The following MMP26 variants were observed in gnomAD, a reference collection of about 807,000 sequenced individuals.
MMP26 encodes the protein matrix metallopeptidase 26.
In MMP26, 33 loss-of-function variants were observed where a neutral mutation model predicts 31.0. The ratio of observed to expected loss-of-function variants is 1.06; its 90% confidence interval spans 0.81 to 1.42. The LOEUF (loss-of-function observed/expected upper bound fraction) is 1.42. MMP26 is among the 40% of genes most tolerant of loss of function. The pLI is 0.00. For missense variants in MMP26, 347 were observed against 316.1 expected (o/e 1.10, Z -0.74); for synonymous variants, 122 against 114.9 (o/e 1.06, Z -0.40).
At chr11:4,815,365 T>A (rs1849406608) in intron 2 of MMP26, among the ~76,000 whole-genome samples, 1 of 152,194 alleles carries the variant, frequency 6.6e-6, no homozygotes, top group Admixed American at 6.5e-5. Flanking sequence ...GGTAAAGATC[T>A]TGAGGCCCAC....
intron 2 of MMP26, among the ~76,000 whole-genome samples, chr11:4,828,677 A>G (rs1460981714): frequency 6.6e-6 from 1 of 152,152 alleles, no homozygotes; most frequent in Non-Finnish European, 1.5e-5. Flanking sequence ...TCTAATTAGG[A>G]TAATCTAACT....
rs192911817 is a variant in MMP26, at chr11:4,923,723, G to A, written c.-144-64345G>A. On this transcript the variant is annotated intron_variant, in intron 2 of 7. Coordinates refer to ENST00000380390, the MANE Select transcript of MMP26 (RefSeq NM_021801.5). ...CAGGGAGTCCACACCCACGGTGCAG[G>A]CCACAACAAAGAGCCCATAGATGTG... 7.3e-5 allele frequency: 118 copies of A among 1,614,050 alleles called. No individual in the cohort carries two copies. Among genetic ancestry groups the A allele is most frequent in the Non-Finnish European group, 9.3e-5 (110 of 1,180,010 alleles).
At position 4,769,347 on chromosome 11, in the gene MMP26, A is replaced by G. The variant is rs774563909; in HGVS notation, c.-145+2006A>G. 5 of 1,613,754 alleles carry G rather than the reference A, an allele frequency of 3.1e-6. No individual in the cohort carries two copies. The East Asian group carries it at 8.9e-5, about 29-fold the overall frequency. On this transcript the variant is annotated intron_variant, in intron 2 of 7. Coordinates refer to ENST00000380390, the MANE Select transcript of MMP26 (RefSeq NM_021801.5). ...ATGCTATTTGCCCGAATGTCTGAACATGCTAATTGAATCACATCTGGATGG... is the reference window on the plus strand; with the variant it reads ...ATGCTATTTGCCCGAATGTCTGAACGTGCTAATTGAATCACATCTGGATGG...
intron 2 of MMP26, among the ~76,000 whole-genome samples, chr11:4,894,666 A>T (rs146594985): frequency 1.3e-5 from 2 of 152,158 alleles, no homozygotes; most frequent in African/African-American, 4.8e-5. Flanking sequence ...AATGGAACCA[A>T]CTCTGAAACA....
chr11:4,779,158 G>A (rs962846801), intron 2 of MMP26, among the ~76,000 whole-genome samples: 2 of 151,940 alleles, frequency 1.3e-5, no homozygotes, highest in African/African-American at 4.8e-5. Context: ...TAGAAGTGGT[G>A]ATGTTAGGCA....
intron 2 of MMP26, among the ~76,000 whole-genome samples, chr11:4,858,228 C>A (rs995714083): frequency 6.6e-6 from 1 of 151,936 alleles, no homozygotes; most frequent in Non-Finnish European, 1.5e-5. Flanking sequence ...CTGGCCAGGG[C>A]AATCAAGCAG....
intron 2 of MMP26, chr11:4,943,943 T>C (rs1197453064): frequency 2.2e-5 from 9 of 416,034 alleles, no homozygotes; most frequent in Non-Finnish European, 3.3e-5. Flanking sequence ...AAGATGCTAT[T>C]AAAGCCACCT....
At chr11:4,723,999 G>T (rs1006716653) in intron 1 of MMP26, 4 of 712,360 alleles carry the variant, frequency 5.6e-6, no homozygotes, top group African/African-American at 3.5e-5. Flanking sequence ...CTCCCATGCC[G>T]CTGGACCCAC....
chr11:4,935,299 G>T (rs1851421066), intron 2 of MMP26, among the ~76,000 whole-genome samples: 1 of 151,466 alleles, frequency 6.6e-6, no homozygotes, highest in Non-Finnish European at 1.5e-5. Context: ...CACATCCCTT[G>T]TAAGTTGGAT....
chr11:4,709,106 T>A (rs1472272160), intron 1 of MMP26, among the ~76,000 whole-genome samples: 1 of 152,196 alleles, frequency 6.6e-6, no homozygotes, highest in Non-Finnish European at 1.5e-5. Context: ...TTGGGTCACA[T>A]GGACTTATAA....
At chr11:4,901,149 C>CTTTTTTTTTT (rs55678976) in intron 2 of MMP26, among the ~76,000 whole-genome samples, 2 of 84,518 alleles carry the variant, frequency 2.4e-5, no homozygotes, top group Non-Finnish European at 4.3e-5. Flanking sequence ...CCTCTTTGTG[C>CTTTTTTTTTT]TTTTTTTTTT....
intron 1 of MMP26, among the ~76,000 whole-genome samples, chr11:4,759,274 T>C (rs1848544118): frequency 6.6e-6 from 1 of 152,150 alleles, no homozygotes; most frequent in South Asian, 2.1e-4. Flanking sequence ...CAAAGATTAG[T>C]AAGGATTGTT....
At chr11:4,855,889 C>T (rs1468874366) in intron 2 of MMP26, among the ~76,000 whole-genome samples, 1 of 152,312 alleles carries the variant, frequency 6.6e-6, no homozygotes, top group African/African-American at 2.4e-5. Context: ...AGAAACTCTA[C>T]AAGCCAGAAG....
At chr11:4,901,039 G>C (rs116899732) in intron 2 of MMP26, among the ~76,000 whole-genome samples, 9 of 151,952 alleles carry the variant, frequency 5.9e-5, no homozygotes, top group Non-Finnish European at 1.3e-4. Context: ...TCCCCCACCA[G>C]CTGGTCATAA....
intron 1 of MMP26, among the ~76,000 whole-genome samples, chr11:4,759,235 C>T (rs1340502590): frequency 2.0e-5 from 3 of 151,472 alleles, no homozygotes; most frequent in Admixed American, 1.3e-4. Flanking sequence ...CAAAGAAATG[C>T]TAATTAAAAC....
chr11:4,749,732 G>A (rs1848424049), intron 1 of MMP26, among the ~76,000 whole-genome samples: 1 of 152,028 alleles, frequency 6.6e-6, no homozygotes, highest in African/African-American at 2.4e-5. Flanking sequence ...TTGCCAATAT[G>A]CAGAATGAAT....
intron 2 of MMP26, among the ~76,000 whole-genome samples, chr11:4,783,921 C>A (rs1475205356): frequency 1.3e-5 from 2 of 152,154 alleles, no homozygotes; most frequent in Non-Finnish European, 2.9e-5. Flanking sequence ...CCATGTGGAG[C>A]TTTAAGTCCA....
chr11:4,980,691 GA>G (rs1240902604), intron 2 of MMP26, among the ~76,000 whole-genome samples: 1 of 151,808 alleles, frequency 6.6e-6, no homozygotes, highest in African/African-American at 2.4e-5. Context: ...AAAATATGAA[GA>G]AATTATTTGA....
At chr11:4,805,146 A>T (rs117570014) in intron 2 of MMP26, among the ~76,000 whole-genome samples, 1 of 152,148 alleles carries the variant, frequency 6.6e-6, no homozygotes, top group Non-Finnish European at 1.5e-5. Context: ...CACTTGGCCA[A>T]TTTCTCAGAG....
Sources: gnomAD v4.1 joint callset for allele counts (sites outside exome capture counted in the v4.1 genomes callset) on GRCh38, gnomAD v4.1.1 for gene constraint, MANE v1.5 for transcripts, NCBI Gene and HGNC (gene_info 2026-07-23, HGNC 2026-07-21) for gene names.